The following CNTNAP2 variants were observed in gnomAD, a reference collection of about 807,000 sequenced individuals.
CNTNAP2 encodes contactin-associated protein-like 2.
A neutral mutation model predicts 155.2 loss-of-function variants in CNTNAP2; 98 were observed. That is an observed-to-expected ratio of 0.63 (90% CI 0.54 to 0.75). The LOEUF (loss-of-function observed/expected upper bound fraction) is 0.75, where lower values mean the gene tolerates loss of function less well. CNTNAP2 is among the 30% of genes least tolerant of loss of function. The probability of loss-of-function intolerance (pLI) is 0.00; values close to 1 mark genes in which losing one functional copy is unlikely to be tolerated. For missense variants in CNTNAP2, 1,727 were observed against 1,688.1 expected, an observed-to-expected ratio of 1.02 and a Z score of -0.40; for synonymous variants, 651 against 631.2, an observed-to-expected ratio of 1.03 and a Z score of -0.47.
chr7:147,052,025 T>A (rs75797464), intron 4 of CNTNAP2, among the ~76,000 whole-genome samples: 9,721 of 152,084 alleles, frequency 0.064, 418 homozygotes, highest in Middle Eastern at 0.13. Flanking sequence ...GACCTGCTTG[T>A]TTAACAGGCA....
At chr7:147,043,848 G>C in intron 3 of CNTNAP2, 59 bp from the exon 4 acceptor site, 1 of 1,590,284 alleles carries the variant, frequency 6.3e-7, no homozygotes, top group Non-Finnish European at 8.6e-7. Flanking sequence ...AGTAGACAGA[G>C]GACATGATTG....
chr7:147,593,985 A>G (rs1800783543), intron 12 of CNTNAP2, among the ~76,000 whole-genome samples: 1 of 152,204 alleles, frequency 6.6e-6, no homozygotes, highest in Non-Finnish European at 1.5e-5. Context: ...CACTGTTCTA[A>G]TATCTGCTTT....
At chr7:146,306,941 C>T (rs1489601536) in intron 1 of CNTNAP2, among the ~76,000 whole-genome samples, 3 of 152,164 alleles carry the variant, frequency 2.0e-5, no homozygotes, top group African/African-American at 4.8e-5. Flanking sequence ...TGCCCTCTCT[C>T]ACCACTCCTA....
chr7:146,171,843 A>G (rs564917458), intron 1 of CNTNAP2, among the ~76,000 whole-genome samples: 139 of 152,220 alleles, frequency 9.1e-4, no homozygotes, highest in Admixed American at 2.1e-3. Context: ...CAGAGGTAAC[A>G]AAGTTTAAAT....
intron 13 of CNTNAP2, among the ~76,000 whole-genome samples, chr7:147,851,717 A>G (rs1199225612): frequency 7.0e-6 from 1 of 142,444 alleles, no homozygotes; most frequent in African/African-American, 2.6e-5. Flanking sequence ...CAATGAGAAC[A>G]CTTGGACACA....
intron 1 of CNTNAP2, among the ~76,000 whole-genome samples, chr7:146,119,585 A>G (rs1242867627): frequency 6.6e-6 from 1 of 152,146 alleles, no homozygotes; most frequent in Non-Finnish European, 1.5e-5. Context: ...TTTAAAGAAA[A>G]TATTTCACTC....
chr7:147,761,088 T>C (rs1315411117), intron 13 of CNTNAP2, among the ~76,000 whole-genome samples: 1 of 152,170 alleles, frequency 6.6e-6, no homozygotes, highest in African/African-American at 2.4e-5. Flanking sequence ...AAATTAATCA[T>C]CCAGTACCAG....
At chr7:148,054,986 G>A (rs1366379375) in intron 15 of CNTNAP2, among the ~76,000 whole-genome samples, 2 of 150,922 alleles carry the variant, frequency 1.3e-5, no homozygotes, top group East Asian at 1.9e-4. Context: ...TGGTTCAAGC[G>A]ATTCTCCTGC....
At chr7:146,300,907 G>C (rs1800596995) in intron 1 of CNTNAP2, among the ~76,000 whole-genome samples, 1 of 152,132 alleles carries the variant, frequency 6.6e-6, no homozygotes, top group Non-Finnish European at 1.5e-5. Flanking sequence ...GTATTAAAAT[G>C]TTTATACAAA....
chr7:147,015,208 G>C (rs1007114562), intron 3 of CNTNAP2, among the ~76,000 whole-genome samples: 16 of 151,556 alleles, frequency 1.1e-4, no homozygotes, highest in African/African-American at 3.6e-4. Flanking sequence ...GGATTTAAAA[G>C]AGCAGGAAGC....
At chr7:147,841,488 A>C (rs1377838992) in intron 13 of CNTNAP2, among the ~76,000 whole-genome samples, 1 of 152,208 alleles carries the variant, frequency 6.6e-6, no homozygotes, top group Non-Finnish European at 1.5e-5. Context: ...AGGTGCTACA[A>C]GGTGTGCAAA....
chr7:147,603,303 T>C (rs1162889070), intron 12 of CNTNAP2, among the ~76,000 whole-genome samples: 1 of 152,190 alleles, frequency 6.6e-6, no homozygotes, highest in Admixed American at 6.5e-5. Context: ...AGTGTCTGTT[T>C]ATATCCTTTG....
chr7:146,430,221 C>T (rs1796154073), intron 1 of CNTNAP2, among the ~76,000 whole-genome samples: 1 of 150,606 alleles, frequency 6.6e-6, no homozygotes, highest in Admixed American at 6.6e-5. Flanking sequence ...CAGGATGTAA[C>T]CCATGTCTTA....
intron 5 of CNTNAP2, among the ~76,000 whole-genome samples, chr7:147,108,996 T>C (rs938215120): frequency 3.9e-5 from 6 of 152,114 alleles, no homozygotes; most frequent in Admixed American, 1.3e-4. Context: ...GTCCAAGAGG[T>C]GGAAATTGCC....
chr7:146,216,999 T>C (rs913597488), intron 1 of CNTNAP2, among the ~76,000 whole-genome samples: 1 of 152,192 alleles, frequency 6.6e-6, no homozygotes, highest in Admixed American at 6.5e-5. Context: ...GCTCAAACAT[T>C]TCATCAAAAG....
intron 1 of CNTNAP2, among the ~76,000 whole-genome samples, chr7:146,122,816 C>T (rs1797583012): frequency 6.6e-6 from 1 of 152,194 alleles, no homozygotes; most frequent in Non-Finnish European, 1.5e-5. Context: ...TTCATCCTGT[C>T]CATGTAACTA....
intron 1 of CNTNAP2, among the ~76,000 whole-genome samples, chr7:146,153,918 G>A (rs997440359): frequency 6.6e-6 from 1 of 152,026 alleles, no homozygotes; most frequent in Non-Finnish European, 1.5e-5. Flanking sequence ...TTTATTTTAT[G>A]ATCTGCTCTG....
chr7:146,314,507 G>T (rs1008066505), intron 1 of CNTNAP2, among the ~76,000 whole-genome samples: 7 of 152,258 alleles, frequency 4.6e-5, no homozygotes, highest in African/African-American at 1.7e-4. Flanking sequence ...AGCTGAGATA[G>T]ATGCCTGTAC....
chr7:146,167,199 C>T (rs1028559554), intron 1 of CNTNAP2, among the ~76,000 whole-genome samples: 2 of 152,222 alleles, frequency 1.3e-5, no homozygotes, highest in African/African-American at 2.4e-5. Flanking sequence ...ATAAATCATA[C>T]AGGTGAATTC....
Sources: gnomAD v4.1 joint callset for allele counts (sites outside exome capture counted in the v4.1 genomes callset) on GRCh38, gnomAD v4.1.1 for gene constraint, MANE v1.5 for transcripts, NCBI Gene and HGNC (gene_info 2026-07-23, HGNC 2026-07-21) for gene names.